RALGPS1: variants seen among roughly 807,000 people sequenced by gnomAD.
RALGPS1 encodes the protein ras-specific guanine nucleotide-releasing factor RalGPS1.
In RALGPS1, 19 loss-of-function variants were observed where a neutral mutation model predicts 78.8. That is an observed-to-expected ratio of 0.24 (90% CI 0.17 to 0.35). The LOEUF is 0.35. RALGPS1 is among the 10% of genes least tolerant of loss of function. RALGPS1 has a pLI of 1.00. For synonymous variants in RALGPS1, 228 were observed against 256.3 expected (o/e 0.89, Z 1.06); for missense variants, 454 against 688.3 (o/e 0.66, Z 3.81).
intron 8 of RALGPS1, among the ~76,000 whole-genome samples, chr9:127,134,878 T>A (rs942319167): frequency 6.6e-6 from 1 of 152,218 alleles, no homozygotes; most frequent in Non-Finnish European, 1.5e-5. Flanking sequence ...AATGGTTCCC[T>A]GCCCAACACC....
intron 7 of RALGPS1, among the ~76,000 whole-genome samples, chr9:127,060,641 T>C (rs2049132077): frequency 6.6e-6 from 1 of 152,110 alleles, no homozygotes; most frequent in South Asian, 2.1e-4. Context: ...TGAACTGTCA[T>C]CCTCTTTCAG....
At chr9:126,958,072 A>G (rs939821885) in intron 1 of RALGPS1, among the ~76,000 whole-genome samples, 1 of 149,520 alleles carries the variant, frequency 6.7e-6, no homozygotes, top group African/African-American at 2.4e-5. Context: ...TTGAGGTTGC[A>G]TTGAGCTATG....
At chr9:126,987,517 G>A (rs767553042) in intron 4 of RALGPS1, among the ~76,000 whole-genome samples, 5 of 152,194 alleles carry the variant, frequency 3.3e-5, no homozygotes, top group Admixed American at 2.0e-4. Flanking sequence ...CATTGCCAGG[G>A]ATACTGGTAC....
intron 5 of RALGPS1, among the ~76,000 whole-genome samples, chr9:127,043,624 A>T (rs530065557): frequency 5.3e-5 from 8 of 152,296 alleles, no homozygotes; most frequent in Admixed American, 2.6e-4. Flanking sequence ...TGAAAATTAA[A>T]TTTTTTTCAC....
At chr9:127,112,319 AG>A (rs2054906427) in intron 8 of RALGPS1, among the ~76,000 whole-genome samples, 1 of 152,174 alleles carries the variant, frequency 6.6e-6, no homozygotes, top group Admixed American at 6.5e-5. Flanking sequence ...CACCCACCCC[AG>A]AACAATGGGG....
intron 8 of RALGPS1, among the ~76,000 whole-genome samples, chr9:127,144,504 A>T (rs1427631249): frequency 6.6e-6 from 1 of 152,264 alleles, no homozygotes; most frequent in Admixed American, 6.5e-5. Context: ...TACTCAGGGT[A>T]TATACCCAAA....
chr9:127,017,001 T>G (rs1313523265), intron 4 of RALGPS1: 1 of 152,216 alleles, frequency 6.6e-6, no homozygotes, highest in East Asian at 1.9e-4. Context: ...CAAATTGAGA[T>G]GTTCTGTAAA....
intron 8 of RALGPS1, 145 bp from the exon 9 acceptor site, chr9:127,165,924 C>A: frequency 8.0e-7 from 1 of 1,249,508 alleles, no homozygotes; most frequent in Non-Finnish European, 1.0e-6. Flanking sequence ...AATTAGTAAT[C>A]AGGATTGGAA....
At chr9:126,915,787 G>C (rs900900445) in intron 1 of RALGPS1, among the ~76,000 whole-genome samples, 1 of 152,104 alleles carries the variant, frequency 6.6e-6, no homozygotes, top group African/African-American at 2.4e-5. Context: ...CGGGGGGCGG[G>C]GGGTTGGTTG....
At chr9:127,153,492 G>A (rs2058543388) in intron 8 of RALGPS1, among the ~76,000 whole-genome samples, 1 of 149,426 alleles carries the variant, frequency 6.7e-6, no homozygotes, top group Admixed American at 6.8e-5. Context: ...TTCAGGGCCT[G>A]TGCCTGTCTG....
chr9:127,172,322 A>C (rs2059608403), intron 10 of RALGPS1, among the ~76,000 whole-genome samples: 1 of 151,694 alleles, frequency 6.6e-6, no homozygotes, highest in Non-Finnish European at 1.5e-5. Flanking sequence ...GAGCCCATCT[A>C]ATTTTTTTTT....
intron 1 of RALGPS1, among the ~76,000 whole-genome samples, chr9:126,919,291 C>CTCAG (rs1244102227): frequency 6.6e-6 from 1 of 152,124 alleles, no homozygotes; most frequent in East Asian, 1.9e-4. Context: ...ATGATGTTTA[C>CTCAG]TCAGTATTGG....
intron 8 of RALGPS1, among the ~76,000 whole-genome samples, chr9:127,086,908 A>G (rs144682851): frequency 6.6e-6 from 1 of 152,144 alleles, no homozygotes; most frequent in Non-Finnish European, 1.5e-5. Context: ...AGGAGATAAG[A>G]TCCTACGCTA....
chr9:127,011,326 C>T (rs1171972155), intron 4 of RALGPS1, among the ~76,000 whole-genome samples: 1 of 152,038 alleles, frequency 6.6e-6, no homozygotes, highest in Non-Finnish European at 1.5e-5. Flanking sequence ...TACAGGTGCC[C>T]GCCACCATGC....
chr9:126,915,509 A>G (rs1390239787), intron 1 of RALGPS1: 3 of 150,896 alleles, frequency 2.0e-5, no homozygotes, highest in African/African-American at 4.9e-5. Flanking sequence ...TGGTCGCCCG[A>G]GAAGGAAAGG....
intron 11 of RALGPS1, among the ~76,000 whole-genome samples, chr9:127,179,616 C>A (rs1477502119): frequency 1.3e-5 from 2 of 152,216 alleles, no homozygotes; most frequent in Non-Finnish European, 2.9e-5. Context: ...GACTTCCAGG[C>A]CAAGGACTTG....
At chr9:127,118,942 G>T (rs2055747979) in intron 8 of RALGPS1, among the ~76,000 whole-genome samples, 1 of 152,216 alleles carries the variant, frequency 6.6e-6, no homozygotes. Context: ...CCCAGTGTGG[G>T]TGATGAGGAC....
At chr9:127,214,878 A>G (rs2062484970) in intron 18 of RALGPS1, 36 bp downstream of exon 18, 32 of 1,613,098 alleles carry the variant, frequency 2.0e-5, no homozygotes, top group Non-Finnish European at 2.7e-5. Context: ...CACCTGAAAT[A>G]TCCTCTCCCA....
intron 1 of RALGPS1, among the ~76,000 whole-genome samples, chr9:126,940,546 TCTC>T (rs1471112358): frequency 2.0e-5 from 3 of 151,250 alleles, no homozygotes; most frequent in Non-Finnish European, 2.9e-5. Context: ...TTCACGCCAT[TCTC>T]CTGCCTCAGC....
Sources: gnomAD v4.1 joint callset for allele counts (sites outside exome capture counted in the v4.1 genomes callset) on GRCh38, gnomAD v4.1.1 for gene constraint, MANE v1.5 for transcripts, NCBI Gene and HGNC (gene_info 2026-07-23, HGNC 2026-07-21) for gene names.